LINC00632: variants seen among roughly 807,000 people sequenced by gnomAD.
LINC00632 encodes ALDOA related specific transcript.
chrX:140,762,573 T>G (rs927425535), intron 3 of LINC00632, among the ~76,000 whole-genome samples: 1 of 112,425 alleles, frequency 8.9e-6, no homozygotes, highest in Non-Finnish European at 1.9e-5. Context: ...ACTTTATAGG[T>G]AATGTCTTCA....
At chrX:140,729,207 C>T (rs1033541381) in intron 2 of LINC00632, among the ~76,000 whole-genome samples, 9 of 110,803 alleles carry the variant, frequency 8.1e-5, no homozygotes, top group African/African-American at 2.6e-4. Context: ...CCAGAATTGC[C>T]TCTAACCACC....
intron 3 of LINC00632, among the ~76,000 whole-genome samples, chrX:140,759,226 G>A (rs1330225648): frequency 9.3e-6 from 1 of 107,352 alleles, no homozygotes; most frequent in African/African-American, 3.4e-5. Flanking sequence ...TGCCCACCTC[G>A]GCCTCCCAGA....
At chrX:140,783,760 A>G (rs148670935) in exon 5 of LINC00632, 3 of 1,210,884 alleles carry the variant, frequency 2.5e-6, no homozygotes, top group Non-Finnish European at 3.4e-6. Context: ...CAGGTCTTCC[A>G]GCCAATATAT....
rs182333543 is a variant in LINC00632, at chrX:140,746,433, T to C, written n.191+12469T>C. ...TCACTACATGGGCTAAAAAGTGCGA[T>C]ATATTCTTTATCTAATTAACTAAAT... On this transcript the variant is annotated intron_variant and non_coding_transcript_variant, in intron 3 of 4. Coordinates refer to ENST00000648200, the Ensembl canonical transcript of LINC00632. Among the ~76,000 whole-genome samples, 4 of 112,210 alleles carry C rather than the reference T, an allele frequency of 3.6e-5. No individual in the cohort carries two copies. The Admixed American group carries it at 3.8e-4, about 11-fold the overall frequency.
intron 3 of LINC00632, among the ~76,000 whole-genome samples, chrX:140,768,693 T>C (rs1031381947): frequency 1.0e-5 from 1 of 97,851 alleles, no homozygotes; most frequent in African/African-American, 3.7e-5. Context: ...CTATATAATA[T>C]ATTTATTATA....
At chrX:140,784,653 T>C (rs1188436864) in exon 5 of LINC00632, 3 of 384,569 alleles carry the variant, frequency 7.8e-6, no homozygotes, top group African/African-American at 7.6e-5. Context: ...GTGTCTGCAA[T>C]ATCCAGGTAT....
chrX:140,746,253 GA>G (rs760572691), intron 3 of LINC00632, among the ~76,000 whole-genome samples: 21 of 111,490 alleles, frequency 1.9e-4, no homozygotes, highest in Non-Finnish European at 4.0e-4. Flanking sequence ...TTTTTGTGGT[GA>G]AACATTTAAA....
intron 3 of LINC00632, among the ~76,000 whole-genome samples, chrX:140,749,123 A>G (rs1482668079): frequency 1.8e-5 from 2 of 110,283 alleles, no homozygotes; most frequent in Non-Finnish European, 3.8e-5. Flanking sequence ...CTTTATGAAG[A>G]TAAGAGTAAT....
intron 2 of LINC00632, among the ~76,000 whole-genome samples, chrX:140,712,858 A>G (rs190015836): frequency 0.02 from 2,061 of 103,401 alleles, 57 homozygotes; most frequent in African/African-American, 0.067. Context: ...TCTGGGGGGG[A>G]AAAAAAAGGG....
exon 5 of LINC00632, among the ~76,000 whole-genome samples, chrX:140,780,494 G>A (rs1295188049): frequency 9.0e-6 from 1 of 111,606 alleles, no homozygotes; most frequent in African/African-American, 3.3e-5. Context: ...AGTGACTAGA[G>A]GTAATCTCAG....
chrX:140,746,478 TA>T (rs1931328602), intron 3 of LINC00632, among the ~76,000 whole-genome samples: 1 of 112,066 alleles, frequency 8.9e-6, no homozygotes, highest in South Asian at 3.7e-4. Context: ...CAGTAGAATG[TA>T]AAGAAAATGT....
At chrX:140,733,477 C>T (rs986534555) in intron 2 of LINC00632, among the ~76,000 whole-genome samples, 2 of 111,969 alleles carry the variant, frequency 1.8e-5, no homozygotes, top group Admixed American at 1.9e-4. Context: ...TCACCTGTAA[C>T]ATGAGAGTAA....
chrX:140,739,834 T>A (rs1215419160), intron 3 of LINC00632, among the ~76,000 whole-genome samples: 1 of 110,461 alleles, frequency 9.1e-6, no homozygotes, highest in Non-Finnish European at 1.9e-5. Flanking sequence ...TAAAAAAAAA[T>A]ATGCATCCTA....
chrX:140,768,636 AT>A (rs1931733644), intron 3 of LINC00632, among the ~76,000 whole-genome samples: 1 of 61,528 alleles, frequency 1.6e-5, no homozygotes, highest in Non-Finnish European at 3.7e-5. Context: ...TATATATACT[AT>A]ATAATATATT....
intron 2 of LINC00632, among the ~76,000 whole-genome samples, chrX:140,717,198 G>A (rs1198573994): frequency 9.1e-6 from 1 of 110,452 alleles, no homozygotes; most frequent in East Asian, 2.9e-4. Context: ...GGCCAGGATG[G>A]TCTTGATCTC....
At chrX:140,734,620 A>G (rs1045276463) in intron 3 of LINC00632, among the ~76,000 whole-genome samples, 4 of 110,959 alleles carry the variant, frequency 3.6e-5, no homozygotes, top group African/African-American at 1.3e-4. Flanking sequence ...ATTGAAAAAA[A>G]ATTTCTGTGA....
At chrX:140,744,321 G>C (rs1271979789) in intron 3 of LINC00632, among the ~76,000 whole-genome samples, 1 of 110,374 alleles carries the variant, frequency 9.1e-6, no homozygotes, top group Admixed American at 9.7e-5. Flanking sequence ...GTGGTAAAGA[G>C]AGCTTGAGCA....
intron 3 of LINC00632, among the ~76,000 whole-genome samples, chrX:140,768,675 TATAC>T (rs1931738014): frequency 1.0e-5 from 1 of 97,440 alleles, no homozygotes; most frequent in Non-Finnish European, 2.0e-5. Context: ...CTATAATAAA[TATAC>T]ATACTATATA....
chrX:140,709,782 T>C (rs1173503917), exon 1 of LINC00632: 1 of 340,932 alleles, frequency 2.9e-6, no homozygotes, highest in South Asian at 2.6e-5. Flanking sequence ...GCCTCAGAGC[T>C]GGTGGGGAGA....
Sources: allele counts gnomAD v4.1 joint callset (sites outside exome capture counted in the v4.1 genomes callset), GRCh38; gene constraint gnomAD v4.1.1; transcripts MANE v1.5; gene names NCBI Gene and HGNC (gene_info 2026-07-23, HGNC 2026-07-21).